TSPAN18: variants seen among roughly 807,000 people sequenced by gnomAD.
TSPAN18 encodes the protein tetraspanin-18.
In TSPAN18, 14 loss-of-function variants were observed where a neutral mutation model predicts 27.3. That is an observed-to-expected ratio of 0.51 (90% CI 0.34 to 0.80). The LOEUF (loss-of-function observed/expected upper bound fraction) is 0.80, where lower values mean the gene tolerates loss of function less well. Among genes scored for constraint, TSPAN18 ranks in the 30% least tolerant of loss-of-function variants. The pLI, the probability that TSPAN18 is intolerant of heterozygous loss-of-function variation, is 0.01. For missense variants in TSPAN18, 268 were observed against 323.9 expected (o/e 0.83, Z 1.32); for synonymous variants, 143 against 136.5 (o/e 1.05, Z -0.33).
intron 2 of TSPAN18, among the ~76,000 whole-genome samples, chr11:44,845,800 C>T (rs1205635931): frequency 2.0e-5 from 3 of 152,206 alleles, no homozygotes; most frequent in Non-Finnish European, 2.9e-5. Flanking sequence ...CTCTCCAGGG[C>T]ACACAGTTGA....
rs139553644 is a variant in TSPAN18 at position 44,927,351 on chromosome 11, T to C, written c.699+594T>C. Among the ~76,000 whole-genome samples, 256 of 152,332 alleles carry C rather than the reference T, an allele frequency of 1.7e-3. 10 individuals carry two copies. The East Asian group carries it at 0.038, about 23-fold the overall frequency. ...TCTCCATCATCTGGGATCTCCGACT[T>C]GCTGCTCCTGGGGGCTGGACAGAGC... On this transcript the variant is annotated intron_variant, in intron 9 of 9. Transcript: ENST00000520358.
chr11:44,921,302 C>T (rs1160188471), intron 8 of TSPAN18, among the ~76,000 whole-genome samples: 1 of 152,148 alleles, frequency 6.6e-6, no homozygotes, highest in Non-Finnish European at 1.5e-5. Flanking sequence ...GGGCTGTTAA[C>T]TGCTGTGTTG....
intron 1 of TSPAN18, among the ~76,000 whole-genome samples, chr11:44,735,128 A>G (rs1854759487): frequency 6.6e-6 from 1 of 152,154 alleles, no homozygotes; most frequent in Non-Finnish European, 1.5e-5. Flanking sequence ...GGGGTCATTG[A>G]AGAGTGTAGC....
intron 2 of TSPAN18, among the ~76,000 whole-genome samples, chr11:44,804,095 TTTTTTTTC>T (rs1856539602): frequency 1.3e-5 from 2 of 150,658 alleles, no homozygotes; most frequent in South Asian, 4.2e-4. Flanking sequence ...GGTAAATTTC[TTTTTTTTC>T]TTTTTTTTTT....
Position 44,781,311 on chromosome 11 carries a change from G to A in TSPAN18, c.-153+16799G>A, listed in dbSNP as rs184041547. Reference sequence around the variant, plus strand: ...GGAGGGAGGGAGCTCTTCCATGCAGGTCCAGAAGCCGGGGCTGCCCAGGGC... The same window carrying A: ...GGAGGGAGGGAGCTCTTCCATGCAGATCCAGAAGCCGGGGCTGCCCAGGGC... On this transcript the variant is annotated intron_variant, in intron 2 of 9. Coordinates refer to ENST00000520358, the MANE Select transcript of TSPAN18 (RefSeq NM_130783.5). 9.8e-5 allele frequency among the ~76,000 whole-genome samples: 15 copies of A among 152,348 alleles called. No individual in the cohort carries two copies. In the East Asian group the frequency reaches 2.7e-3, roughly 27 times the overall value.
intron 1 of TSPAN18, among the ~76,000 whole-genome samples, chr11:44,758,169 G>A (rs1271387795): frequency 6.6e-6 from 1 of 152,174 alleles, no homozygotes; most frequent in Non-Finnish European, 1.5e-5. Flanking sequence ...CATTGAATAT[G>A]ATGTCTGCTG....
chr11:44,815,183 T>C (rs1856795779), intron 2 of TSPAN18, among the ~76,000 whole-genome samples: 2 of 152,198 alleles, frequency 1.3e-5, no homozygotes. Context: ...CAGGCACTCC[T>C]GGGGGCTTCC....
chr11:44,824,039 C>A (rs998251172), intron 2 of TSPAN18, among the ~76,000 whole-genome samples: 1 of 152,328 alleles, frequency 6.6e-6, no homozygotes, highest in East Asian at 1.9e-4. Flanking sequence ...AAGGCTTGGT[C>A]ATGACCGCCC....
intron 3 of TSPAN18, among the ~76,000 whole-genome samples, chr11:44,862,415 G>T (rs559662635): frequency 1.3e-5 from 2 of 152,196 alleles, no homozygotes; most frequent in Non-Finnish European, 2.9e-5. Context: ...AGTCTCTCTC[G>T]CTCTGTGTCT....
intron 2 of TSPAN18, among the ~76,000 whole-genome samples, chr11:44,778,151 T>C (rs574040486): frequency 1.3e-5 from 2 of 152,182 alleles, no homozygotes; most frequent in African/African-American, 4.8e-5. Flanking sequence ...GGCTGGGTTC[T>C]TTCTAGTTCT....
chr11:44,823,220 G>A lies in TSPAN18; in HGVS notation c.-152-37108G>A, dbSNP rs1856964427. The stretch of plus-strand genomic sequence containing the variant: ...CCACTAGAGGCACCCTGCCCACTCG[G>A]CCTGCTTGCGTTATAGCTTGTACCC... On this transcript the variant is annotated intron_variant, in intron 2 of 9. Transcript: ENST00000520358. Among the ~76,000 whole-genome samples the A allele has an allele frequency of 2.0e-5, 3 of 152,158 alleles. No homozygotes were observed. The South Asian group carries it at 6.2e-4, about 32-fold the overall frequency.
chr11:44,741,447 ATGTGTGTGTGTG>A (rs58865710), intron 1 of TSPAN18, among the ~76,000 whole-genome samples: 7 of 147,384 alleles, frequency 4.7e-5, no homozygotes, highest in Non-Finnish European at 9.1e-5. Flanking sequence ...TCAGACATGT[ATGTGTGTGTGTG>A]TGTGTGTGTG....
intron 3 of TSPAN18, among the ~76,000 whole-genome samples, chr11:44,863,621 G>A (rs1358770401): frequency 2.0e-5 from 3 of 152,192 alleles, no homozygotes; most frequent in African/African-American, 7.2e-5. Context: ...TGGGCTGGAA[G>A]TTGGGAGACT....
intron 2 of TSPAN18, among the ~76,000 whole-genome samples, chr11:44,793,540 G>A (rs960901383): frequency 2.0e-5 from 3 of 152,124 alleles, no homozygotes; most frequent in East Asian, 1.9e-4. Context: ...GTTGCTACAC[G>A]GAGCTCACCT....
intron 2 of TSPAN18, among the ~76,000 whole-genome samples, chr11:44,802,034 A>G (rs1355573532): frequency 6.6e-6 from 1 of 152,134 alleles, no homozygotes; most frequent in African/African-American, 2.4e-5. Flanking sequence ...CTTGTCTCGA[A>G]CATAAAAAGA....
intron 2 of TSPAN18, among the ~76,000 whole-genome samples, chr11:44,766,479 C>T (rs190384988): frequency 1.2e-4 from 19 of 152,198 alleles, no homozygotes; most frequent in Admixed American, 6.5e-4. Context: ...CTGGAGAAGG[C>T]GCTGAAGTGA....
chr11:44,840,103 A>G (rs835782), intron 2 of TSPAN18, among the ~76,000 whole-genome samples: 133,413 of 152,282 alleles, frequency 0.88, 58,517 homozygotes, highest in East Asian at 0.93. Flanking sequence ...AGTCCTCCAC[A>G]GAGAGAAAAC....
At chr11:44,758,338 G>A (rs1855378617) in intron 1 of TSPAN18, among the ~76,000 whole-genome samples, 1 of 152,182 alleles carries the variant, frequency 6.6e-6, no homozygotes, top group Non-Finnish European at 1.5e-5. Flanking sequence ...TCATTCTGTT[G>A]ATGTGGAGTA....
intron 2 of TSPAN18, among the ~76,000 whole-genome samples, chr11:44,846,193 T>A (rs1036175989): frequency 1.3e-5 from 2 of 152,178 alleles, no homozygotes; most frequent in Non-Finnish European, 2.9e-5. Context: ...AGGGGTAAAA[T>A]GACTTGTCCA....
Sources: allele counts gnomAD v4.1 joint callset (sites outside exome capture counted in the v4.1 genomes callset), GRCh38; gene constraint gnomAD v4.1.1; transcripts MANE v1.5; gene names NCBI Gene and HGNC (gene_info 2026-07-23, HGNC 2026-07-21).